JAKMIP1: variants seen among roughly 807,000 people sequenced by gnomAD.
JAKMIP1 encodes the protein janus kinase and microtubule-interacting protein 1.
JAKMIP1 carries 33 observed loss-of-function variants against 113.0 expected under a neutral mutation model. The ratio of observed to expected loss-of-function variants is 0.29; its 90% CI spans 0.22 to 0.39. The LOEUF (loss-of-function observed/expected upper bound fraction) is 0.39. Ranked by LOEUF, JAKMIP1 falls within the 10% of genes least tolerant of loss-of-function variation. The pLI, the probability that JAKMIP1 is intolerant of heterozygous loss-of-function variation, is 1.00. For missense variants in JAKMIP1, 813 were observed against 1,080.5 expected, an observed-to-expected ratio of 0.75 and a Z score of 3.47; for synonymous variants, 480 against 459.9, an observed-to-expected ratio of 1.04 and a Z score of -0.56.
At chr4:6,170,721 CATCCCCATCACCACCCTT>C (rs1464555251) in intron 1 of JAKMIP1, among the ~76,000 whole-genome samples, 32 of 80,060 alleles carry the variant, frequency 4.0e-4, no homozygotes, top group African/African-American at 1.1e-3. Context: ...CCACCATCCC[CATCCCCATCACCACCCTT>C]GCCACCACAA....
intron 1 of JAKMIP1, among the ~76,000 whole-genome samples, chr4:6,118,988 A>G (rs146227222): frequency 2.6e-5 from 4 of 152,368 alleles, no homozygotes; most frequent in Middle Eastern, 3.4e-3. Context: ...GAGAAGACAC[A>G]CAGAGGAGAA....
intron 1 of JAKMIP1, among the ~76,000 whole-genome samples, chr4:6,152,685 T>C (rs1033984203): frequency 1.5e-4 from 23 of 151,556 alleles, no homozygotes; most frequent in African/African-American, 5.3e-4. Context: ...CTCATGCCTG[T>C]AATCCCAGCA....
In JAKMIP1 at chr4:6,064,869, G is replaced by C; in HGVS notation, c.1431+11C>G. On this transcript the variant is annotated intron_variant, in intron 9 of 20. Transcript: ENST00000409021. This position sits in a 1 kb window ranked among gnomAD's most constrained non-coding sequence, Gnocchi z 4.3. The stretch of plus-strand genomic sequence containing the variant: ...GGGGTGAGGTCCCGCCCTCTCTGCA[G>C]GTTTGCTTACATCGTCCAAGTCTTC... 1 of 1,613,940 alleles carries C rather than the reference G, an allele frequency of 6.2e-7. No homozygotes were observed. The highest frequency in any genetic ancestry group is 8.5e-7 in the Non-Finnish European group (1 of 1,180,004).
Position 6,044,433 on chromosome 4 carries a change from GC to G in JAKMIP1, c.2029-2207del, listed in dbSNP as rs1714735161. On this transcript the variant is annotated intron_variant, in intron 16 of 20. Transcript: ENST00000409021. The surrounding 1 kb of genome is among the most constrained non-coding windows in gnomAD (Gnocchi z 4.4). ...CTTCCCTAACGCCACAGTGAGCTCG[GC>G]CCCCAGTACGGGCTCTGTGCCAGCC... 6.6e-6 allele frequency among the ~76,000 whole-genome samples: 1 copy of G among 152,054 alleles called. No homozygotes were observed. The highest frequency in any genetic ancestry group is 2.1e-4 in the South Asian group (1 of 4,808).
At chr4:6,063,545 C>T (rs376003177) in intron 9 of JAKMIP1, among the ~76,000 whole-genome samples, 11 of 152,218 alleles carry the variant, frequency 7.2e-5, no homozygotes, top group East Asian at 1.9e-4. Context: ...GGTGGGCTGA[C>T]GGGGAGGATG....
At chr4:6,148,518 C>T (rs964061767) in intron 1 of JAKMIP1, among the ~76,000 whole-genome samples, 1 of 152,388 alleles carries the variant, frequency 6.6e-6, no homozygotes, top group Non-Finnish European at 1.5e-5. Context: ...ACGGACTCTG[C>T]GCCGGGCGCA....
At position 6,138,200 on chromosome 4, in the gene JAKMIP1, T is replaced by A. The variant is rs568918378; in HGVS notation, c.-147-25203A>T. Among the ~76,000 whole-genome samples the A allele has an allele frequency of 2.0e-5, 3 of 152,330 alleles. No homozygotes were observed. In the South Asian group the frequency reaches 6.2e-4, roughly 32 times the overall value. ...TCTGTTATCTGCACCTGAACACAGA[T>A]GAAAGCTGGGGTACCCCAGAACCCA... On this transcript the variant is annotated intron_variant, in intron 1 of 20. Coordinates refer to ENST00000409021, the MANE Select transcript of JAKMIP1 (RefSeq NM_001099433.2). The surrounding 1 kb of genome is among the most constrained non-coding windows in gnomAD (Gnocchi z 6.0).
chr4:6,051,946 T>TA lies in JAKMIP1; in HGVS notation c.1807-1268dup, dbSNP rs1030765336. On this transcript the variant is annotated intron_variant, in intron 13 of 20. Transcript: ENST00000409021. This position sits in a 1 kb window ranked among gnomAD's most constrained non-coding sequence, Gnocchi z 5.0. ...TAGTTTGAGCAGAGTTACGGTAAGG[T>TA]AAAAAATAACATGCTTTGGGCCATT... 9.9e-5 allele frequency among the ~76,000 whole-genome samples: 15 copies of TA among 152,164 alleles called. No homozygotes were observed. Among genetic ancestry groups the TA allele is most frequent in the African/African-American group, 3.1e-4 (13 of 41,524 alleles).
rs1158050395 is a variant in JAKMIP1, at chr4:6,086,141, G to A, written c.625-512C>T. ...CCGGACAACGTTGTCCTCCCGCCCT[G>A]ACTCCGTCACCCACTCCCAGACTCA... On this transcript the variant is annotated intron_variant, in intron 3 of 20. Coordinates refer to ENST00000409021, the MANE Select transcript of JAKMIP1 (RefSeq NM_001099433.2). The surrounding 1 kb of genome is among the most constrained non-coding windows in gnomAD (Gnocchi z 4.1). 6.6e-6 allele frequency among the ~76,000 whole-genome samples: 1 copy of A among 152,110 alleles called. No homozygotes were observed. Among genetic ancestry groups the A allele is most frequent in the Middle Eastern group, 3.4e-3 (1 of 294 alleles).
chr4:6,100,424 T>C (rs930389621), intron 3 of JAKMIP1, among the ~76,000 whole-genome samples: 1 of 152,238 alleles, frequency 6.6e-6, no homozygotes, highest in Non-Finnish European at 1.5e-5. Context: ...CAATATTTCA[T>C]ACCTTCTCAT....
In JAKMIP1 at chr4:6,051,138, G is replaced by A. The variant is rs557956415; in HGVS notation, c.1807-459C>T. ...ATTCTGTAGACAAAGAGAAGGTGGT[G>A]GCCCAGGGAGGCTGTGTCTGAGGTC... is the stretch of plus-strand genomic sequence containing the variant. On this transcript the variant is annotated intron_variant, in intron 13 of 20. Transcript: ENST00000409021. The surrounding 1 kb of genome is among the most constrained non-coding windows in gnomAD (Gnocchi z 5.0). 6.6e-6 allele frequency among the ~76,000 whole-genome samples: 1 copy of A among 152,250 alleles called. No individual in the cohort carries two copies. Among genetic ancestry groups the A allele is most frequent in the African/African-American group, 2.4e-5 (1 of 41,534 alleles).
rs1023675705 is a variant in JAKMIP1 at position 6,086,147 on chromosome 4, G to A, written c.625-518C>T. Among the ~76,000 whole-genome samples, 1 of 151,900 alleles carries A rather than the reference G, an allele frequency of 6.6e-6. No homozygotes were observed. The highest frequency in any genetic ancestry group is 1.5e-5 in the Non-Finnish European group (1 of 67,962). On this transcript the variant is annotated intron_variant, in intron 3 of 20. Transcript: ENST00000409021. This position sits in a 1 kb window ranked among gnomAD's most constrained non-coding sequence, Gnocchi z 4.1. ...AACGTTGTCCTCCCGCCCTGACTCC[G>A]TCACCCACTCCCAGACTCACGACCT...
At position 6,194,466 on chromosome 4, in the gene JAKMIP1, T is replaced by G. The variant is rs1180724889; in HGVS notation, c.-148+5787A>C. The G allele has an allele frequency of 6.6e-6, 1 of 151,430 alleles. No individual in the cohort carries two copies. Among genetic ancestry groups the G allele is most frequent in the Non-Finnish European group, 1.5e-5 (1 of 67,978 alleles). 9.4% of individuals were successfully genotyped at this position (151,430 alleles called of 1,614,324 possible). A position where few individuals can be genotyped will look rare whatever the true frequency, so the allele number is the denominator to read the frequency against. ...AGACAGGAGACAGAAGCTCCAAGGG[T>G]AAAAGATAGTGGAAAGCTACTTACC... On this transcript the variant is annotated intron_variant, in intron 1 of 20. Coordinates refer to ENST00000409021, the MANE Select transcript of JAKMIP1 (RefSeq NM_001099433.2). The surrounding 1 kb of genome is among the most constrained non-coding windows in gnomAD (Gnocchi z 7.4).
In JAKMIP1 at chr4:6,139,390, G is replaced by A. The variant is rs768160907; in HGVS notation, c.-147-26393C>T. Reference sequence around the variant, plus strand: ...AGTACCCTCAGAGGTGGTCTTATGGGAAACAGGGTCTTTACTGAGGTCATC... The same window carrying A: ...AGTACCCTCAGAGGTGGTCTTATGGAAAACAGGGTCTTTACTGAGGTCATC... On this transcript the variant is annotated intron_variant, in intron 1 of 20. Coordinates refer to ENST00000409021, the MANE Select transcript of JAKMIP1 (RefSeq NM_001099433.2). This position sits in a 1 kb window ranked among gnomAD's most constrained non-coding sequence, Gnocchi z 5.2. 3.3e-5 allele frequency among the ~76,000 whole-genome samples: 5 copies of A among 152,138 alleles called. No homozygotes were observed. Among genetic ancestry groups the A allele is most frequent in the Non-Finnish European group, 5.9e-5 (4 of 68,028 alleles).
At chr4:6,058,599 G>C (rs1052375502) in intron 11 of JAKMIP1, among the ~76,000 whole-genome samples, 18 of 152,220 alleles carry the variant, frequency 1.2e-4, no homozygotes, top group African/African-American at 4.3e-4. Flanking sequence ...AGCTTAGACT[G>C]GGAGGTCCAG....
chr4:6,100,410 A>T (rs778856458), intron 3 of JAKMIP1, among the ~76,000 whole-genome samples: 3 of 152,272 alleles, frequency 2.0e-5, no homozygotes, highest in Non-Finnish European at 4.4e-5. Context: ...ATTGAAGCAT[A>T]TATCAATATT....
chr4:6,136,307 G>A lies in JAKMIP1; in HGVS notation c.-147-23310C>T, dbSNP rs1156874468. 6.6e-6 allele frequency among the ~76,000 whole-genome samples: 1 copy of A among 152,070 alleles called. No individual in the cohort carries two copies. Among genetic ancestry groups the A allele is most frequent in the Non-Finnish European group, 1.5e-5 (1 of 68,024 alleles). On this transcript the variant is annotated intron_variant, in intron 1 of 20. Transcript: ENST00000409021. This position sits in a 1 kb window ranked among gnomAD's most constrained non-coding sequence, Gnocchi z 5.9. The stretch of plus-strand genomic sequence containing the variant: ...TTGACGTCTAAATGCAGGCATCTGT[G>A]AATCCATATTTCAGTCTGCTTGAAC...
Position 6,196,859 on chromosome 4 carries a change from C to CA in JAKMIP1, c.-148+3393dup, listed in dbSNP as rs68110058. Among the ~76,000 whole-genome samples the CA allele has an allele frequency of 6.0e-3, 818 of 136,104 alleles. 7 individuals are homozygous for CA. Among genetic ancestry groups the CA allele is most frequent in the African/African-American group, 0.021 (768 of 36,590 alleles). 89.3% of individuals were successfully genotyped at this position (136,104 alleles called of 152,430 possible). A position where few individuals can be genotyped will look rare whatever the true frequency, so the allele number is the denominator to read the frequency against. On this transcript the variant is annotated intron_variant, in intron 1 of 20. Coordinates refer to ENST00000409021, the MANE Select transcript of JAKMIP1 (RefSeq NM_001099433.2). Reference sequence around the variant, plus strand: ...CTGGGCAACAAGAAAGAAACTCTGTCAAAAAAAAAAAAAAAACAAAAGCAC... The same window carrying CA: ...CTGGGCAACAAGAAAGAAACTCTGTCAAAAAAAAAAAAAAAAACAAAAGCAC...
rs527692234 is a variant in JAKMIP1 at position 6,049,000 on chromosome 4, T to A, written c.1963-78A>T. 39 of 1,074,504 alleles carry A rather than the reference T, an allele frequency of 3.6e-5. No individual in the cohort carries two copies. The African/African-American group carries it at 5.2e-4, about 14-fold the overall frequency. The allele number at this position is 1,074,504 out of a possible 1,614,324, so 66.6% of individuals were successfully genotyped here. On this transcript the variant is annotated intron_variant, in intron 15 of 20. Coordinates refer to ENST00000409021, the MANE Select transcript of JAKMIP1 (RefSeq NM_001099433.2). Reference sequence around the variant, plus strand: ...GCAGACAGTCAGCACCAAGCAAGTTTTTTTTTTTCGTTGTTGTTGTTTGTT... The same window carrying A: ...GCAGACAGTCAGCACCAAGCAAGTTATTTTTTTTCGTTGTTGTTGTTTGTT...
Sources: gnomAD v4.1 joint callset for allele counts (sites outside exome capture counted in the v4.1 genomes callset) on GRCh38, gnomAD v4.1.1 for gene constraint, Gnocchi (gnomAD v3.1) non-coding constraint, MANE v1.5 for transcripts, NCBI Gene and HGNC (gene_info 2026-07-23, HGNC 2026-07-21) for gene names.